ZWILCH: variants seen among roughly 807,000 people sequenced by gnomAD.
The protein encoded by ZWILCH is protein zwilch homolog.
ZWILCH carries 74 observed loss-of-function variants against 79.9 expected under a neutral mutation model. The ratio of observed to expected loss-of-function variants is 0.93; its 90% CI spans 0.77 to 1.12. The LOEUF (loss-of-function observed/expected upper bound fraction) is 1.12. ZWILCH is among the 50% of genes most tolerant of loss of function. The pLI is 0.00. For missense variants in ZWILCH, 694 were observed against 687.5 expected (o/e 1.01, Z -0.11); for synonymous variants, 241 against 228.2 (o/e 1.06, Z -0.51).
rs1030115240 is a variant in ZWILCH at position 66,514,066 on chromosome 15, T to C, written c.184T>C (p.Phe62Leu). The C allele has an allele frequency of 2.5e-5, 41 of 1,609,234 alleles. No individual in the cohort carries two copies. Among genetic ancestry groups the C allele is most frequent in the Non-Finnish European group, 3.2e-5 (38 of 1,177,932 alleles). Residue 62 changes from phenylalanine (F) to leucine (L), a missense_variant, in exon 3 of 19, where the codon TTC (phenylalanine) becomes CTC (leucine). Transcript: ENST00000307897. ...KNILNENDIV[F>L]IVEKVPLEKE... ...TATTCTAAATGAAAATGACATAGTATTCATAGTGGAAAAAGTGGTAAGTAC... is the reference window on the plus strand; with the variant it reads ...TATTCTAAATGAAAATGACATAGTACTCATAGTGGAAAAAGTGGTAAGTAC...
chr15:66,510,213 T>C (rs903897486), intron 2 of ZWILCH, among the ~76,000 whole-genome samples: 1 of 142,624 alleles, frequency 7.0e-6, no homozygotes, highest in Non-Finnish European at 1.5e-5. Context: ...ATAAATAAAA[T>C]AAAATAAAAT....
chr15:66,536,192 G>A, intron 15 of ZWILCH, 123 bp downstream of exon 15: 2 of 814,262 alleles, frequency 2.5e-6, no homozygotes, highest in Non-Finnish European at 1.8e-6. Flanking sequence ...CTTTACAGTA[G>A]CATGCATGAG....
intron 16 of ZWILCH, among the ~76,000 whole-genome samples, chr15:66,538,291 T>G (rs1299190951): frequency 6.6e-6 from 1 of 152,200 alleles, no homozygotes; most frequent in African/African-American, 2.4e-5. Context: ...CTTCTAATTG[T>G]CAAATCCAGT....
intron 16 of ZWILCH, 129 bp from the exon 17 acceptor site, chr15:66,539,969 A>C (rs548782132): frequency 3.6e-6 from 2 of 553,134 alleles, no homozygotes; most frequent in Admixed American, 3.5e-5. Context: ...CAAGGGCGGG[A>C]ATTGTGACCC....
chr15:66,531,455 T>C (rs573964108), intron 12 of ZWILCH, among the ~76,000 whole-genome samples: 1 of 152,184 alleles, frequency 6.6e-6, no homozygotes, highest in East Asian at 1.9e-4. Context: ...TTTTAAATTT[T>C]ATTTTATTTT....
chr15:66,511,234 C>A (rs1894048543), intron 2 of ZWILCH, among the ~76,000 whole-genome samples: 1 of 152,114 alleles, frequency 6.6e-6, no homozygotes, highest in Admixed American at 6.6e-5. Flanking sequence ...ACCTGTAATC[C>A]TAGCACATTG....
At position 66,537,212 on chromosome 15, in the gene ZWILCH, A is replaced by T. The variant is rs1398705837; in HGVS notation, c.1523A>T (p.His508Leu). 1.2e-6 allele frequency: 2 copies of T among 1,613,578 alleles called. No individual in the cohort carries two copies. The highest frequency in any genetic ancestry group is 2.2e-5 in the South Asian group (2 of 91,050). Residue 508 changes from histidine to leucine, a missense_variant, in exon 16 of 19, where the codon CAC becomes CTC. Transcript: ENST00000307897. ...YYKQNPLDEQ[H>L]IFQLPVRPTA... ...AAACAAAATCCTCTTGATGAGCAAC[A>T]CATTTTTCAGCTGCCAGTCAGACCA...
chr15:66,539,101 A>G (rs558949319), intron 16 of ZWILCH, among the ~76,000 whole-genome samples: 2 of 152,158 alleles, frequency 1.3e-5, no homozygotes, highest in African/African-American at 2.4e-5. Flanking sequence ...TCCTCCTCCC[A>G]TACTTTGTCT....
intron 4 of ZWILCH, among the ~76,000 whole-genome samples, chr15:66,517,709 C>T (rs1363005091): frequency 7.6e-6 from 1 of 130,902 alleles, no homozygotes; most frequent in East Asian, 2.2e-4. Flanking sequence ...TTGGGTCCTA[C>T]TTCTTTCTTT....
chr15:66,529,406 T>C, intron 11 of ZWILCH, 88 bp from the exon 12 acceptor site: 1 of 806,346 alleles, frequency 1.2e-6, no homozygotes, highest in Non-Finnish European at 2.0e-6. Context: ...TCTTGCTTTC[T>C]ACTTCATTTG....
In ZWILCH at chr15:66,548,654, T is replaced by G. The variant is rs1410728701; in HGVS notation, c.*330T>G. On this transcript the variant is annotated 3_prime_UTR_variant, in exon 19 of 19. Coordinates refer to ENST00000307897, the MANE Select transcript of ZWILCH (RefSeq NM_017975.5). ...ACCACAAATGAGAACAGGATCATTT[T>G]AGTAAATACAGCTTTATCCCAAAAG... 2.1e-6 allele frequency: 2 copies of G among 951,206 alleles called. No individual in the cohort carries two copies. The highest frequency in any genetic ancestry group is 3.4e-6 in the Non-Finnish European group (2 of 581,148). The allele number at this position is 951,206 out of a possible 1,614,324, so 58.9% of individuals were successfully genotyped here. A position where few individuals can be genotyped will look rare whatever the true frequency, so the allele number is the denominator to read the frequency against.
At chr15:66,539,336 C>T (rs762347861) in intron 16 of ZWILCH, among the ~76,000 whole-genome samples, 9 of 140,832 alleles carry the variant, frequency 6.4e-5, no homozygotes, top group Non-Finnish European at 1.3e-4. Context: ...GCCTGGAGGT[C>T]GAAGCTGTAG....
chr15:66,510,937 T>C (rs1475306777), intron 2 of ZWILCH, among the ~76,000 whole-genome samples: 1 of 152,222 alleles, frequency 6.6e-6, no homozygotes, highest in African/African-American at 2.4e-5. Flanking sequence ...TCATCTTGAT[T>C]ACATTTGCCA....
At chr15:66,539,853 C>G (rs12593228) in intron 16 of ZWILCH, among the ~76,000 whole-genome samples, 31,749 of 152,028 alleles carry the variant, frequency 0.21, 3,493 homozygotes, top group East Asian at 0.37. Context: ...TTACATTCCT[C>G]TCTTCAGTTT....
intron 12 of ZWILCH, among the ~76,000 whole-genome samples, chr15:66,531,690 CA>C (rs1434367723): frequency 6.6e-6 from 1 of 151,116 alleles, no homozygotes; most frequent in Non-Finnish European, 1.5e-5. Flanking sequence ...CTCCTGACCT[CA>C]AGTGATCTAC....
intron 12 of ZWILCH, among the ~76,000 whole-genome samples, chr15:66,530,560 C>A (rs1254812917): frequency 6.6e-6 from 1 of 152,118 alleles, no homozygotes; most frequent in Non-Finnish European, 1.5e-5. Flanking sequence ...TTGCTTGAAC[C>A]CAGGAGGCAG....
intron 9 of ZWILCH, 109 bp downstream of exon 9, chr15:66,527,492 G>C: frequency 2.3e-6 from 2 of 887,316 alleles, no homozygotes; most frequent in Non-Finnish European, 3.5e-6. Flanking sequence ...AAAGCTATGA[G>C]ATCTGTTATG....
At chr15:66,511,302 A>G (rs923228801) in intron 2 of ZWILCH, among the ~76,000 whole-genome samples, 2 of 152,114 alleles carry the variant, frequency 1.3e-5, no homozygotes, top group Non-Finnish European at 2.9e-5. Flanking sequence ...CCTGAGCAAT[A>G]TGGTGAGACC....
intron 17 of ZWILCH, among the ~76,000 whole-genome samples, chr15:66,544,724 T>TTTTTTTGTGTGTGTG (rs145952622): frequency 7.0e-5 from 9 of 128,542 alleles, no homozygotes; most frequent in African/African-American, 2.8e-4. Flanking sequence ...TTTTTGGTTT[T>TTTTTTTGTGTGTGTG]TGTGTGTGTG....
Sources: gnomAD v4.1 joint callset for allele counts (sites outside exome capture counted in the v4.1 genomes callset) on GRCh38, gnomAD v4.1.1 for gene constraint, MANE v1.5 for transcripts, NCBI Gene and HGNC (gene_info 2026-07-23, HGNC 2026-07-21) for gene names.